FSTL5: variants seen among roughly 807,000 people sequenced by gnomAD.
FSTL5 encodes follistatin-related protein 5.
FSTL5 carries 62 observed loss-of-function variants against 89.1 expected under a neutral mutation model. The ratio of observed to expected loss-of-function variants is 0.70; its 90% confidence interval spans 0.57 to 0.86. The LOEUF is 0.86. Among genes scored for constraint, FSTL5 ranks in the 40% least tolerant of loss-of-function variants. The probability of loss-of-function intolerance (pLI) is 0.00; values close to 1 mark genes in which losing one functional copy is unlikely to be tolerated. For synonymous variants in FSTL5, 383 were observed against 346.2 expected (o/e 1.11, Z -1.18); for missense variants, 1,057 against 1,001.6 (o/e 1.06, Z -0.75).
At chr4:161,570,799 T>C (rs1024101944) in intron 8 of FSTL5, among the ~76,000 whole-genome samples, 7 of 152,134 alleles carry the variant, frequency 4.6e-5, no homozygotes, top group African/African-American at 1.7e-4. Flanking sequence ...TAAAAGGATA[T>C]GACCAGGAAA....
intron 4 of FSTL5, among the ~76,000 whole-genome samples, chr4:161,871,162 GTTTA>G (rs770232813): frequency 9.2e-5 from 14 of 152,068 alleles, no homozygotes; most frequent in South Asian, 4.1e-4. Flanking sequence ...CTCTACTTCA[GTTTA>G]TTTGTTTTAT....
intron 6 of FSTL5, among the ~76,000 whole-genome samples, chr4:161,694,392 T>C (rs973301108): frequency 2.0e-5 from 3 of 152,168 alleles, no homozygotes; most frequent in Non-Finnish European, 4.4e-5. Flanking sequence ...AAATCTGCTA[T>C]TAAAAGCACT....
chr4:161,596,894 A>G (rs1355876861), intron 7 of FSTL5, among the ~76,000 whole-genome samples: 24 of 152,062 alleles, frequency 1.6e-4, no homozygotes, highest in Admixed American at 7.9e-4. Context: ...TTTTTCTTGT[A>G]AATTTGTTTG....
At chr4:162,157,366 G>GT (rs1407419854) in intron 1 of FSTL5, among the ~76,000 whole-genome samples, 3 of 152,076 alleles carry the variant, frequency 2.0e-5, no homozygotes, top group Non-Finnish European at 2.9e-5. Context: ...AGTTCATGGG[G>GT]TTTGTGCTGT....
intron 4 of FSTL5, among the ~76,000 whole-genome samples, chr4:161,890,272 T>C (rs1732943780): frequency 6.6e-6 from 1 of 152,180 alleles, no homozygotes; most frequent in Non-Finnish European, 1.5e-5. Flanking sequence ...GTACATTGAA[T>C]TTTAGATGCA....
intron 11 of FSTL5, among the ~76,000 whole-genome samples, chr4:161,505,122 C>A (rs1730432194): frequency 6.6e-6 from 1 of 151,932 alleles, no homozygotes; most frequent in African/African-American, 2.4e-5. Flanking sequence ...TTCAAGTGAT[C>A]CTAAAAGTAT....
At chr4:161,587,335 T>G in intron 8 of FSTL5, 120 bp downstream of exon 8, 6 of 831,604 alleles carry the variant, frequency 7.2e-6, no homozygotes, top group Non-Finnish European at 9.6e-6. Context: ...CATTATCAGT[T>G]GAGTCTCAAA....
At chr4:161,788,707 G>A (rs1271536758) in intron 4 of FSTL5, among the ~76,000 whole-genome samples, 21 of 152,066 alleles carry the variant, frequency 1.4e-4, no homozygotes, top group Non-Finnish European at 7.4e-5. Flanking sequence ...GCAATAATGT[G>A]AGACCCCGCC....
At chr4:161,747,128 A>G (rs1376425075) in intron 6 of FSTL5, among the ~76,000 whole-genome samples, 1 of 152,210 alleles carries the variant, frequency 6.6e-6, no homozygotes, top group African/African-American at 2.4e-5. Flanking sequence ...TATTTGTAGT[A>G]ACTAGCCTTA....
At chr4:161,900,253 A>G (rs943603004) in intron 4 of FSTL5, among the ~76,000 whole-genome samples, 25 of 152,068 alleles carry the variant, frequency 1.6e-4, no homozygotes, top group African/African-American at 6.0e-4. Flanking sequence ...ACAAGCATGT[A>G]ATGCTGGAGA....
intron 6 of FSTL5, among the ~76,000 whole-genome samples, chr4:161,758,814 C>T (rs565694735): frequency 3.9e-5 from 6 of 152,232 alleles, no homozygotes; most frequent in African/African-American, 1.4e-4. Context: ...CACCCATTAG[C>T]GGCCTCTTTG....
intron 10 of FSTL5, among the ~76,000 whole-genome samples, chr4:161,529,724 C>T (rs1479015452): frequency 1.4e-5 from 2 of 141,566 alleles, no homozygotes; most frequent in Non-Finnish European, 3.1e-5. Context: ...TTCTATTTGA[C>T]TCTAGCTCTT....
intron 3 of FSTL5, among the ~76,000 whole-genome samples, chr4:162,033,372 AG>A (rs1229638398): frequency 2.6e-5 from 4 of 152,128 alleles, no homozygotes; most frequent in African/African-American, 9.7e-5. Context: ...ACCACAATAT[AG>A]GGAAAAAACA....
intron 6 of FSTL5, among the ~76,000 whole-genome samples, chr4:161,692,528 A>C (rs1204613048): frequency 6.6e-6 from 1 of 151,976 alleles, no homozygotes; most frequent in Admixed American, 6.6e-5. Flanking sequence ...AGTTAAAATG[A>C]AGTTATTAGA....
At chr4:161,572,458 T>G (rs1733053268) in intron 8 of FSTL5, among the ~76,000 whole-genome samples, 1 of 151,630 alleles carries the variant, frequency 6.6e-6, no homozygotes, top group Non-Finnish European at 1.5e-5. Flanking sequence ...TTGCACACCT[T>G]CCTTCACATG....
chr4:162,062,954 G>T (rs1738770853), intron 2 of FSTL5, among the ~76,000 whole-genome samples: 1 of 151,348 alleles, frequency 6.6e-6, no homozygotes, highest in African/African-American at 2.4e-5. Flanking sequence ...CTTGCCTTAG[G>T]TTCAAATAAT....
In FSTL5 at chr4:162,088,093, C is replaced by T. The variant is rs372015695; in HGVS notation, c.126+23178G>A. Among the ~76,000 whole-genome samples, 4 of 151,948 alleles carry T rather than the reference C, an allele frequency of 2.6e-5. No homozygotes were observed. The East Asian group carries it at 7.7e-4, about 29-fold the overall frequency. On this transcript the variant is annotated intron_variant, in intron 2 of 15. Coordinates refer to ENST00000306100, the MANE Select transcript of FSTL5 (RefSeq NM_020116.5). ...CTGCTAGATTTTTTTTCTTCCACCC[C>T]CATTTTTTGTGAATTGCCCAAATTA... is the stretch of plus-strand genomic sequence containing the variant.
chr4:161,799,901 T>C (rs1376927947), intron 4 of FSTL5, among the ~76,000 whole-genome samples: 1 of 151,638 alleles, frequency 6.6e-6, no homozygotes, highest in East Asian at 1.9e-4. Flanking sequence ...CAAAGAAATA[T>C]TGATTCATAG....
chr4:162,077,714 T>A (rs1403010885), intron 2 of FSTL5, among the ~76,000 whole-genome samples: 1 of 151,790 alleles, frequency 6.6e-6, no homozygotes. Flanking sequence ...GTTATCAATA[T>A]AGGTGTAATT....
Sources: allele counts gnomAD v4.1 joint callset (sites outside exome capture counted in the v4.1 genomes callset), GRCh38; gene constraint gnomAD v4.1.1; transcripts MANE v1.5; gene names NCBI Gene and HGNC (gene_info 2026-07-23, HGNC 2026-07-21).